The following PPARGC1A variants were observed in gnomAD, a reference collection of about 807,000 sequenced individuals.
PPARGC1A encodes the protein peroxisome proliferator-activated receptor gamma coactivator 1-alpha.
A neutral mutation model predicts 88.7 loss-of-function variants in PPARGC1A; 25 were observed. The ratio of observed to expected loss-of-function variants is 0.28; its 90% CI spans 0.21 to 0.39. PPARGC1A has a LOEUF of 0.39. PPARGC1A is among the 10% of genes least tolerant of loss of function. The pLI is 1.00. For missense variants in PPARGC1A, 880 were observed against 968.7 expected (o/e 0.91, Z 1.22); for synonymous variants, 363 against 355.6 (o/e 1.02, Z -0.24).
intron 2 of PPARGC1A, among the ~76,000 whole-genome samples, chr4:23,871,953 G>A (rs1034095849): frequency 3.3e-5 from 5 of 152,118 alleles, no homozygotes; most frequent in African/African-American, 9.7e-5. Flanking sequence ...AGAGGGAAGA[G>A]GAAAGGGATC....
At chr4:23,962,450 C>T in the PPARGC1A span, among the ~76,000 whole-genome samples, 480 of 152,200 alleles carry the variant, frequency 3.2e-3, 2 homozygotes, top group Non-Finnish European at 4.1e-3. Context: ...CTTTCCTCTG[C>T]TCCACTAAGA....
rs2109300986 is a variant in PPARGC1A, at chr4:23,795,723, G to A, written c.*99C>T. ...TTTTTGTACAGAGAGTGTAAAGTAGGAGAAATTCCTAAGTATGACTTGCAA... is the reference window on the plus strand; with the variant it reads ...TTTTTGTACAGAGAGTGTAAAGTAGAAGAAATTCCTAAGTATGACTTGCAA... On this transcript the variant is annotated 3_prime_UTR_variant, in exon 13 of 13. Transcript: ENST00000264867. The A allele has an allele frequency of 1.2e-6, 1 of 864,676 alleles. No individual in the cohort carries two copies. Among genetic ancestry groups the A allele is most frequent in the Non-Finnish European group, 1.8e-6 (1 of 559,368 alleles). The allele number at this position is 864,676 out of a possible 1,614,324, so 53.6% of individuals were successfully genotyped here.
the PPARGC1A span, among the ~76,000 whole-genome samples, chr4:24,241,676 G>A: frequency 6.6e-6 from 1 of 152,136 alleles, no homozygotes; most frequent in Non-Finnish European, 1.5e-5. Context: ...TTTGTCAATG[G>A]GACGCCAAAC....
chr4:24,232,475 A>G, the PPARGC1A span, among the ~76,000 whole-genome samples: 2 of 152,222 alleles, frequency 1.3e-5, no homozygotes, highest in African/African-American at 4.8e-5. Context: ...CTAATGTTAT[A>G]TAGAAGTACT....
At chr4:24,279,145 A>G in the PPARGC1A span, among the ~76,000 whole-genome samples, 4 of 152,280 alleles carry the variant, frequency 2.6e-5, no homozygotes, top group African/African-American at 9.6e-5. Flanking sequence ...GTCCAACCAC[A>G]TGGTACAAAA....
the PPARGC1A span, among the ~76,000 whole-genome samples, chr4:24,252,839 T>C: frequency 6.6e-6 from 1 of 152,256 alleles, no homozygotes; most frequent in Non-Finnish European, 1.5e-5. Flanking sequence ...TTTCAGATTA[T>C]CAGAAATTTT....
chr4:24,181,299 T>C, the PPARGC1A span, among the ~76,000 whole-genome samples: 1 of 152,202 alleles, frequency 6.6e-6, no homozygotes, highest in African/African-American at 2.4e-5. Flanking sequence ...CCTGATTTAA[T>C]TCCAACTCTG....
the PPARGC1A span, among the ~76,000 whole-genome samples, chr4:24,048,624 T>C: frequency 1.3e-5 from 2 of 152,228 alleles, no homozygotes; most frequent in Non-Finnish European, 2.9e-5. Context: ...CCAATATTGA[T>C]GAAATGCATC....
At chr4:24,311,407 G>A in the PPARGC1A span, among the ~76,000 whole-genome samples, 2 of 149,834 alleles carry the variant, frequency 1.3e-5, no homozygotes, top group African/African-American at 2.4e-5. Flanking sequence ...GGTCTTGGCC[G>A]GGTGGATCAC....
chr4:24,041,747 C>A, the PPARGC1A span, among the ~76,000 whole-genome samples: 4 of 152,118 alleles, frequency 2.6e-5, no homozygotes, highest in Non-Finnish European at 5.9e-5. Flanking sequence ...ACCCATGAAG[C>A]ACATACATGG....
chr4:24,247,385 A>G, the PPARGC1A span, among the ~76,000 whole-genome samples: 4 of 152,312 alleles, frequency 2.6e-5, no homozygotes, highest in South Asian at 2.1e-4. Flanking sequence ...TTTGCTCCAG[A>G]TAATATGATA....
chr4:24,471,014 GC>G, the PPARGC1A span, among the ~76,000 whole-genome samples: 4 of 151,272 alleles, frequency 2.6e-5, no homozygotes, highest in South Asian at 8.3e-4. The surrounding 1 kb of genome is among the most constrained non-coding windows in gnomAD (Gnocchi z 5.4). Context: ...TGCGCCCCGG[GC>G]CCGGGAGGGA....
chr4:23,973,272 C>T, the PPARGC1A span, among the ~76,000 whole-genome samples: 1 of 152,210 alleles, frequency 6.6e-6, no homozygotes, highest in Non-Finnish European at 1.5e-5. Context: ...ATCAGGTTCT[C>T]AATTCTTTCC....
At chr4:23,866,211 C>T (rs911438913) in intron 2 of PPARGC1A, 6 of 147,892 alleles carry the variant, frequency 4.1e-5, no homozygotes, top group Non-Finnish European at 7.4e-5. Context: ...TTTAAGAAAA[C>T]TTTCATTTGC....
the PPARGC1A span, among the ~76,000 whole-genome samples, chr4:24,123,436 C>G: frequency 2.0e-5 from 3 of 152,124 alleles, no homozygotes; most frequent in Non-Finnish European, 4.4e-5. Flanking sequence ...TGGAAGGTTT[C>G]ACTATAGCCT....
At chr4:24,326,699 C>G in the PPARGC1A span, among the ~76,000 whole-genome samples, 2 of 152,206 alleles carry the variant, frequency 1.3e-5, no homozygotes, top group African/African-American at 4.8e-5. Context: ...CAGCTGATCT[C>G]CCAAACCTCA....
chr4:24,237,281 C>T, the PPARGC1A span, among the ~76,000 whole-genome samples: 2 of 151,536 alleles, frequency 1.3e-5, no homozygotes, highest in Admixed American at 6.6e-5. Context: ...ATGTTGCTTC[C>T]TCTGTCTACT....
chr4:24,055,959 G>A, the PPARGC1A span, among the ~76,000 whole-genome samples: 1 of 152,326 alleles, frequency 6.6e-6, no homozygotes, highest in Non-Finnish European at 1.5e-5. Context: ...GACCAAGCTT[G>A]ATTCTCTAAC....
At chr4:24,142,063 G>A in the PPARGC1A span, among the ~76,000 whole-genome samples, 935 of 152,312 alleles carry the variant, frequency 6.1e-3, 29 homozygotes, top group East Asian at 0.098. Flanking sequence ...GAGTCAGCAT[G>A]TAGTGCCACA....
Sources: gnomAD v4.1 joint callset for allele counts (sites outside exome capture counted in the v4.1 genomes callset) on GRCh38, gnomAD v4.1.1 for gene constraint, Gnocchi (gnomAD v3.1) non-coding constraint, MANE v1.5 for transcripts, NCBI Gene and HGNC (gene_info 2026-07-23, HGNC 2026-07-21) for gene names.